The following PSPC1 variants were observed in gnomAD, a reference collection of about 807,000 sequenced individuals.
PSPC1 encodes paraspeckle component 1, also known as paraspeckle protein 1.
A neutral mutation model predicts 51.6 loss-of-function variants in PSPC1; 14 were observed. The ratio of observed to expected loss-of-function variants is 0.27; its 90% CI spans 0.18 to 0.42. PSPC1 has a LOEUF of 0.42. Among genes scored for constraint, PSPC1 ranks in the 10% least tolerant of loss-of-function variants. The probability of loss-of-function intolerance (pLI) is 1.00; values close to 1 mark genes in which losing one functional copy is unlikely to be tolerated. For missense variants in PSPC1, 406 were observed against 701.1 expected, an observed-to-expected ratio of 0.58 and a Z score of 4.75; for synonymous variants, 193 against 231.9, an observed-to-expected ratio of 0.83 and a Z score of 1.53.
intron 6 of PSPC1, among the ~76,000 whole-genome samples, chr13:19,695,720 A>C (rs889410230): frequency 6.6e-6 from 1 of 152,140 alleles, no homozygotes; most frequent in Non-Finnish European, 1.5e-5. Flanking sequence ...TTAAATTTTT[A>C]TCATTTTTTT....
At chr13:19,711,049 C>G (rs1881342461) in intron 6 of PSPC1, among the ~76,000 whole-genome samples, 1 of 152,064 alleles carries the variant, frequency 6.6e-6, no homozygotes, top group African/African-American at 2.4e-5. Flanking sequence ...CTATGTCAAC[C>G]AGGCTGGTAT....
intron 4 of PSPC1, 130 bp from the exon 5 acceptor site, chr13:19,741,779 GTAAT>G (rs1885460174): frequency 2.0e-6 from 1 of 512,124 alleles, no homozygotes; most frequent in Non-Finnish European, 3.4e-6. Context: ...TGTAAGCTGG[GTAAT>G]TAAATAAATA....
At chr13:19,720,231 C>T (rs1377451867) in intron 6 of PSPC1, among the ~76,000 whole-genome samples, 4 of 152,158 alleles carry the variant, frequency 2.6e-5, no homozygotes, top group Admixed American at 2.0e-4. Flanking sequence ...GACTGGTTTG[C>T]ACTTCTTGAT....
chr13:19,710,723 TAATGAAGCTACGGTACAATG>T (rs990543626), intron 6 of PSPC1, among the ~76,000 whole-genome samples: 10 of 152,302 alleles, frequency 6.6e-5, no homozygotes, highest in Non-Finnish European at 1.2e-4. Flanking sequence ...AAGGTAATCC[TAATGAAGCTACGGTACAATG>T]AATGAAGCTA....
chr13:19,685,615 T>C (rs1355359414), intron 6 of PSPC1, among the ~76,000 whole-genome samples: 4 of 152,174 alleles, frequency 2.6e-5, no homozygotes, highest in Non-Finnish European at 5.9e-5. Flanking sequence ...CAGATGTTCA[T>C]ATGCTAGTGC....
At chr13:19,712,578 TTAAACA>T (rs1356901911) in intron 6 of PSPC1, among the ~76,000 whole-genome samples, 2 of 152,142 alleles carry the variant, frequency 1.3e-5, no homozygotes, top group African/African-American at 4.8e-5. Context: ...AAGTTAACTA[TTAAACA>T]TGAACATTCC....
At chr13:19,757,766 C>T (rs1887227919) in intron 3 of PSPC1, among the ~76,000 whole-genome samples, 2 of 152,168 alleles carry the variant, frequency 1.3e-5, no homozygotes, top group Non-Finnish European at 2.9e-5. Flanking sequence ...TTCAATAAAA[C>T]CCTTCATTCC....
chr13:19,778,392 CCTCCCT>C (rs1252103085), intron 1 of PSPC1, among the ~76,000 whole-genome samples: 566 of 54,542 alleles, frequency 0.01, 17 homozygotes, highest in African/African-American at 0.035. Context: ...TCCCCCTCCC[CCTCCCT>C]CTCCCTCTCC....
chr13:19,693,583 A>G (rs1322743927), intron 6 of PSPC1, among the ~76,000 whole-genome samples: 7 of 152,218 alleles, frequency 4.6e-5, no homozygotes, highest in Admixed American at 4.6e-4. Context: ...CAAATGTTTT[A>G]AGAGAAATCT....
At chr13:19,757,826 T>C (rs1426820174) in intron 3 of PSPC1, among the ~76,000 whole-genome samples, 1 of 152,042 alleles carries the variant, frequency 6.6e-6, no homozygotes. Context: ...AAAAATATAA[T>C]AAGCTCTGCA....
chr13:19,764,046 GA>G (rs370265152), intron 2 of PSPC1, among the ~76,000 whole-genome samples: 10 of 152,138 alleles, frequency 6.6e-5, no homozygotes, highest in African/African-American at 2.4e-4. Context: ...GTAAGAGAGA[GA>G]AAAAGTATTT....
chr13:19,683,198 T>C (rs1877478736), intron 6 of PSPC1, among the ~76,000 whole-genome samples: 1 of 152,192 alleles, frequency 6.6e-6, no homozygotes, highest in African/African-American at 2.4e-5. Flanking sequence ...GAATGCATAA[T>C]GACTTGTACA....
At chr13:19,675,250 A>T (rs947832215) in intron 7 of PSPC1, 1 of 152,204 alleles carries the variant, frequency 6.6e-6, no homozygotes, top group Non-Finnish European at 1.5e-5. Context: ...GTGGGCTATG[A>T]GGGATGGTTT....
intron 4 of PSPC1, among the ~76,000 whole-genome samples, chr13:19,742,184 G>T (rs1336154741): frequency 1.3e-5 from 2 of 151,298 alleles, no homozygotes; most frequent in African/African-American, 4.9e-5. Context: ...ATCTTGGCTG[G>T]GCGCGGTGGC....
chr13:19,700,875 A>G (rs1879820628), downstream of PSPC1, among the ~76,000 whole-genome samples: 3 of 152,160 alleles, frequency 2.0e-5, no homozygotes, highest in Non-Finnish European at 4.4e-5. Context: ...AGCAGATGAT[A>G]TTCAAAAATC....
chr13:19,768,761 C>T (rs983946889), intron 2 of PSPC1, among the ~76,000 whole-genome samples: 1 of 151,022 alleles, frequency 6.6e-6, no homozygotes, highest in African/African-American at 2.4e-5. Context: ...TGAAAAGATG[C>T]TCATCATTAG....
At chr13:19,724,421 CAAAG>C in intron 6 of PSPC1, among the ~76,000 whole-genome samples, 1 of 151,950 alleles carries the variant, frequency 6.6e-6, no homozygotes, top group South Asian at 2.1e-4. Context: ...GATGAACAAA[CAAAG>C]AAACAACAAC....
intron 1 of PSPC1, among the ~76,000 whole-genome samples, chr13:19,775,137 G>C (rs1457526936): frequency 6.6e-6 from 1 of 151,966 alleles, no homozygotes; most frequent in Non-Finnish European, 1.5e-5. Flanking sequence ...AGGAGTTCGA[G>C]ACCAGCCTAG....
At chr13:19,748,373 A>G (rs1886202293) in intron 4 of PSPC1, among the ~76,000 whole-genome samples, 1 of 152,230 alleles carries the variant, frequency 6.6e-6, no homozygotes, top group Non-Finnish European at 1.5e-5. Context: ...ACCCAGAAGC[A>G]GGGAGTAGGA....
Sources: allele counts gnomAD v4.1 joint callset (sites outside exome capture counted in the v4.1 genomes callset), GRCh38; gene constraint gnomAD v4.1.1; transcripts MANE v1.5; gene names NCBI Gene and HGNC (gene_info 2026-07-23, HGNC 2026-07-21).